The following THRB variants were observed in gnomAD, a reference collection of about 807,000 sequenced individuals.
THRB encodes the protein thyroid hormone receptor beta, also known as nuclear receptor subfamily 1 group A member 2.
Under a neutral mutation model 47.8 loss-of-function variants are expected in THRB, and 12 were observed. That is an observed-to-expected ratio of 0.25 (90% CI 0.16 to 0.41). The LOEUF is 0.41. THRB is among the 10% of genes least tolerant of loss of function. The pLI, the probability that THRB is intolerant of heterozygous loss-of-function variation, is 1.00. For missense variants in THRB, 348 were observed against 589.2 expected (o/e 0.59, Z 4.24); for synonymous variants, 218 against 212.2 (o/e 1.03, Z -0.24).
At chr3:24,441,005 C>G (rs2071472771) in intron 1 of THRB, among the ~76,000 whole-genome samples, 1 of 152,176 alleles carries the variant, frequency 6.6e-6, no homozygotes, top group South Asian at 2.1e-4. Flanking sequence ...TTAGCTGAAG[C>G]TGCAAACTCA....
chr3:24,223,741 T>C (rs1576061440), intron 4 of THRB, among the ~76,000 whole-genome samples: 1 of 152,066 alleles, frequency 6.6e-6, no homozygotes, highest in East Asian at 1.9e-4. Flanking sequence ...ATGTACTAAA[T>C]TGAGAAAAAT....
At chr3:24,390,233 G>C (rs1039896865) in intron 1 of THRB, among the ~76,000 whole-genome samples, 2 of 152,112 alleles carry the variant, frequency 1.3e-5, no homozygotes, top group African/African-American at 4.8e-5. Flanking sequence ...GTACTGTGAA[G>C]ATATAAAGAG....
chr3:24,406,641 A>C (rs896021115), intron 1 of THRB, among the ~76,000 whole-genome samples: 11 of 151,770 alleles, frequency 7.2e-5, no homozygotes, highest in Non-Finnish European at 2.9e-5. Context: ...TGAGATAGTC[A>C]CATGTTTTTC....
chr3:24,227,460 C>T (rs541356988), intron 4 of THRB, among the ~76,000 whole-genome samples: 34 of 152,200 alleles, frequency 2.2e-4, no homozygotes, highest in African/African-American at 5.5e-4. Context: ...GGAGTGGGTG[C>T]GTTTTGGTGC....
At chr3:24,355,937 A>T (rs1454412577) in intron 1 of THRB, among the ~76,000 whole-genome samples, 1 of 152,146 alleles carries the variant, frequency 6.6e-6, no homozygotes, top group African/African-American at 2.4e-5. Context: ...TTCTGGCAAC[A>T]ACTCTAAAGT....
intron 3 of THRB, among the ~76,000 whole-genome samples, chr3:24,285,499 G>A (rs1312053971): frequency 2.0e-5 from 3 of 150,586 alleles, no homozygotes; most frequent in East Asian, 2.0e-4. Context: ...GAGTTAGTGG[G>A]TGCAGCACAC....
intron 3 of THRB, among the ~76,000 whole-genome samples, chr3:24,278,972 G>A (rs1294800161): frequency 2.0e-5 from 3 of 152,072 alleles, no homozygotes; most frequent in Non-Finnish European, 4.4e-5. Context: ...AGCCTCCCAA[G>A]TAGTTAGGAC....
intron 8 of THRB, among the ~76,000 whole-genome samples, chr3:24,141,729 A>C (rs1156535687): frequency 6.6e-6 from 1 of 152,178 alleles, no homozygotes. Context: ...TAAAAGTATA[A>C]AATTCCCGGG....
chr3:24,322,586 T>A (rs2058554460), intron 2 of THRB, among the ~76,000 whole-genome samples: 1 of 152,208 alleles, frequency 6.6e-6, no homozygotes, highest in South Asian at 2.1e-4. Context: ...GGTCTGCACA[T>A]CTTGGGGCAT....
chr3:24,211,173 C>A (rs1274894823), intron 4 of THRB, among the ~76,000 whole-genome samples: 1 of 139,946 alleles, frequency 7.1e-6, no homozygotes, highest in Non-Finnish European at 1.5e-5. Context: ...GCACTCCAGC[C>A]TGGGCAACAG....
At chr3:24,493,657 A>G (rs1412294949) in intron 1 of THRB, among the ~76,000 whole-genome samples, 3 of 152,218 alleles carry the variant, frequency 2.0e-5, no homozygotes, top group Non-Finnish European at 4.4e-5. Context: ...TTGGCTGTTC[A>G]TGCAAACTCT....
intron 4 of THRB, among the ~76,000 whole-genome samples, chr3:24,218,867 G>T (rs1005669085): frequency 6.6e-6 from 1 of 152,052 alleles, no homozygotes; most frequent in Non-Finnish European, 1.5e-5. Flanking sequence ...CAAAATGGAA[G>T]TCCTCTCATT....
intron 1 of THRB, among the ~76,000 whole-genome samples, chr3:24,424,994 G>A (rs1251736923): frequency 6.6e-6 from 1 of 151,384 alleles, no homozygotes; most frequent in Non-Finnish European, 1.5e-5. Flanking sequence ...CATATTTTTG[G>A]TGTAGACTTA....
intron 3 of THRB, among the ~76,000 whole-genome samples, chr3:24,247,385 C>G (rs762979700): frequency 7.8e-4 from 119 of 152,254 alleles, no homozygotes; most frequent in Admixed American, 1.4e-3. Flanking sequence ...TCTGCTGCCT[C>G]CTTTATTACT....
At chr3:24,165,243 C>G (rs1326084726) in intron 5 of THRB, 3 of 764,994 alleles carry the variant, frequency 3.9e-6, no homozygotes, top group Admixed American at 1.7e-5. Flanking sequence ...GCATCGCAAC[C>G]GCTGTAACCC....
chr3:24,232,284 C>T (rs976675905), intron 3 of THRB, among the ~76,000 whole-genome samples: 2 of 152,194 alleles, frequency 1.3e-5, no homozygotes, highest in African/African-American at 4.8e-5. Flanking sequence ...TTAGGCAATG[C>T]CCTAGGTTTT....
At chr3:24,380,717 G>A (rs755155234) in intron 1 of THRB, among the ~76,000 whole-genome samples, 2 of 152,084 alleles carry the variant, frequency 1.3e-5, no homozygotes, top group Non-Finnish European at 2.9e-5. Flanking sequence ...TACATTATCT[G>A]ACTTGATCCT....
chr3:24,237,541 C>T (rs1211678289), intron 3 of THRB, among the ~76,000 whole-genome samples: 3 of 151,890 alleles, frequency 2.0e-5, no homozygotes, highest in Admixed American at 6.6e-5. Context: ...CTCTCTTCCC[C>T]TTCCTCTTCC....
chr3:24,237,952 A>G (rs2049038488), intron 3 of THRB: 4 of 152,192 alleles, frequency 2.6e-5, no homozygotes, highest in Admixed American at 2.0e-4. Flanking sequence ...ATAGAAAAGT[A>G]AAGAAGAAAA....
Sources: allele counts gnomAD v4.1 joint callset (sites outside exome capture counted in the v4.1 genomes callset), GRCh38; gene constraint gnomAD v4.1.1; transcripts MANE v1.5; gene names NCBI Gene and HGNC (gene_info 2026-07-23, HGNC 2026-07-21).